Variants in RBFOX1 observed in about 807,000 individuals in gnomAD.
RBFOX1 encodes the protein RNA binding fox-1 homolog 1, also known as RNA binding protein fox-1 homolog 1.
In RBFOX1, 8 loss-of-function variants were observed where a neutral mutation model predicts 57.7. The observed-to-expected ratio is 0.14, with a 90% CI of 0.08 to 0.25. The LOEUF (loss-of-function observed/expected upper bound fraction) is 0.25. RBFOX1 is among the 10% of genes least tolerant of loss of function. The pLI is 1.00. For synonymous variants in RBFOX1, 326 were observed against 222.4 expected, an observed-to-expected ratio of 1.47 and a Z score of -4.15; for missense variants, 611 against 548.5, an observed-to-expected ratio of 1.11 and a Z score of -1.14.
chr16:6,764,299 G>C (rs751943229), intron 3 of RBFOX1, among the ~76,000 whole-genome samples: 9 of 152,280 alleles, frequency 5.9e-5, no homozygotes, highest in African/African-American at 1.7e-4. Context: ...GTGCACAAAT[G>C]ATCAAGCTCA....
chr16:5,525,853 A>G (rs2087067), intron 2 of RBFOX1, among the ~76,000 whole-genome samples: 39,859 of 151,996 alleles, frequency 0.26, 6,763 homozygotes, highest in East Asian at 0.85. Context: ...CTGTTGCTGC[A>G]TGCACCAAGT....
intron 2 of RBFOX1, among the ~76,000 whole-genome samples, chr16:6,502,494 C>G (rs145274963): frequency 2.5e-4 from 38 of 152,252 alleles, no homozygotes; most frequent in Non-Finnish European, 4.9e-4. Flanking sequence ...TATAACCCAT[C>G]TACTATTTTA....
intron 1 of RBFOX1, among the ~76,000 whole-genome samples, chr16:5,245,804 T>G (rs1354529053): frequency 6.6e-6 from 1 of 152,262 alleles, no homozygotes; most frequent in African/African-American, 2.4e-5. Context: ...CAATCATGAT[T>G]TGAAAACTTC....
At chr16:6,451,548 T>C (rs1407326704) in intron 2 of RBFOX1, among the ~76,000 whole-genome samples, 1 of 152,122 alleles carries the variant, frequency 6.6e-6, no homozygotes, top group Non-Finnish European at 1.5e-5. Flanking sequence ...GTGGGGAAGA[T>C]CTGATGTGTG....
At chr16:5,558,932 A>G (rs920705075) in intron 2 of RBFOX1, among the ~76,000 whole-genome samples, 8 of 152,174 alleles carry the variant, frequency 5.3e-5, no homozygotes, top group Admixed American at 1.3e-4. Context: ...TATGGAATCC[A>G]CAAGCCTTGA....
rs1491165202 is a variant in RBFOX1, at chr16:7,682,996, A to ATG, written c.995+6172_995+6173dup. On this transcript the variant is annotated intron_variant, in intron 14 of 15. Transcript: ENST00000550418. Reference sequence around the variant, plus strand: ...GCCAGATAAATTTCTTAATACTTCTATGTGTGTGTGTGTGTATATATATAT... The same window carrying ATG: ...GCCAGATAAATTTCTTAATACTTCTATGTGTGTGTGTGTGTGTATATATATAT... 7.7e-3 allele frequency among the ~76,000 whole-genome samples: 212 copies of ATG among 27,654 alleles called. 31 individuals carry two copies. Among genetic ancestry groups the ATG allele is most frequent in the African/African-American group, 0.017 (136 of 8,086 alleles). The allele number at this position is 27,654 out of a possible 152,430, so 18.1% of individuals were successfully genotyped here.
intron 2 of RBFOX1, among the ~76,000 whole-genome samples, chr16:6,333,925 A>G (rs2083331456): frequency 6.6e-6 from 1 of 152,224 alleles, no homozygotes; most frequent in African/African-American, 2.4e-5. Flanking sequence ...ATAGAAGGGC[A>G]TAACTATTTA....
intron 1 of RBFOX1, among the ~76,000 whole-genome samples, chr16:6,101,317 G>A (rs1049310351): frequency 6.6e-6 from 1 of 152,126 alleles, no homozygotes; most frequent in Non-Finnish European, 1.5e-5. Flanking sequence ...CATGCAGACA[G>A]TTGTAAAAAC....
intron 4 of RBFOX1, among the ~76,000 whole-genome samples, chr16:5,882,032 C>G (rs1344748944): frequency 6.6e-6 from 1 of 152,182 alleles, no homozygotes; most frequent in Non-Finnish European, 1.5e-5. Context: ...TATTCCCCAC[C>G]ACATTCCTAT....
At chr16:7,561,661 G>A (rs1409572069) in intron 5 of RBFOX1, among the ~76,000 whole-genome samples, 1 of 152,134 alleles carries the variant, frequency 6.6e-6, no homozygotes, top group Non-Finnish European at 1.5e-5. Flanking sequence ...AAAACTCTTG[G>A]AGTGCTTGTC....
At chr16:6,492,979 C>T (rs2095668108) in intron 2 of RBFOX1, among the ~76,000 whole-genome samples, 1 of 152,150 alleles carries the variant, frequency 6.6e-6, no homozygotes, top group Non-Finnish European at 1.5e-5. Context: ...AAGAGAGGGG[C>T]AGGGAAGAGA....
intron 3 of RBFOX1, among the ~76,000 whole-genome samples, chr16:6,864,930 C>A (rs2059637748): frequency 7.1e-6 from 1 of 141,748 alleles, no homozygotes; most frequent in Non-Finnish European, 1.5e-5. Context: ...ATCGAAAACA[C>A]AAAGGTCAAA....
Position 6,977,937 on chromosome 16 carries a change from GA to G in RBFOX1, c.-15-74106del, listed in dbSNP as rs1555705863. Among the ~76,000 whole-genome samples, 39 of 79,434 alleles carry G rather than the reference GA, an allele frequency of 4.9e-4. 1 individual carries two copies. The highest frequency in any genetic ancestry group is 1.1e-3 in the Admixed American group (9 of 8,348). The allele number at this position is 79,434 out of a possible 152,430, so 52.1% of individuals were successfully genotyped here. A position where few individuals can be genotyped will look rare whatever the true frequency, so the allele number is the denominator to read the frequency against. ...AACTGCCTCTTCCAGCCTCCCCAGG[GA>G]AAAAAAAAAAAAAGGCAAACCTCCT... On this transcript the variant is annotated intron_variant, in intron 3 of 15. Transcript: ENST00000550418.
intron 3 of RBFOX1, among the ~76,000 whole-genome samples, chr16:6,830,818 C>T (rs376646254): frequency 2.6e-5 from 4 of 152,108 alleles, no homozygotes; most frequent in Non-Finnish European, 2.9e-5. Context: ...CAGATAAAAT[C>T]GGTGTTGACT....
chr16:6,445,090 GC>G (rs538288523), intron 2 of RBFOX1, among the ~76,000 whole-genome samples: 14 of 152,042 alleles, frequency 9.2e-5, no homozygotes, highest in Admixed American at 2.0e-4. Flanking sequence ...CATGGCCCAG[GC>G]AGAAGGAGAG....
chr16:7,407,033 G>C (rs1456266599), intron 4 of RBFOX1, among the ~76,000 whole-genome samples: 3 of 152,100 alleles, frequency 2.0e-5, no homozygotes, highest in Non-Finnish European at 4.4e-5. Context: ...GATAATCAAA[G>C]ATAATCTCCC....
chr16:6,545,368 G>A (rs1238007523), intron 2 of RBFOX1, among the ~76,000 whole-genome samples: 1 of 152,078 alleles, frequency 6.6e-6, no homozygotes, highest in Non-Finnish European at 1.5e-5. Context: ...AGTTTCATCT[G>A]GCCTCTTGCC....
intron 2 of RBFOX1, among the ~76,000 whole-genome samples, chr16:6,365,767 G>A (rs1450214717): frequency 6.6e-6 from 1 of 152,048 alleles, no homozygotes; most frequent in African/African-American, 2.4e-5. Context: ...TGCTCAAGAT[G>A]GTTAACCTCA....
rs901414895 is a variant in RBFOX1, at chr16:6,923,233, C to T, written c.-15-128824C>T. On this transcript the variant is annotated intron_variant, in intron 3 of 15. Coordinates refer to ENST00000550418, the MANE Select transcript of RBFOX1 (RefSeq NM_018723.4). ...CTCTCCATCAGCCCAGCCCCACAGGCTGCTAGATGTGGTATCCTGGCCAGG... is the reference window on the plus strand; with the variant it reads ...CTCTCCATCAGCCCAGCCCCACAGGTTGCTAGATGTGGTATCCTGGCCAGG... Among the ~76,000 whole-genome samples, 3 of 152,182 alleles carry T rather than the reference C, an allele frequency of 2.0e-5. No individual in the cohort carries two copies. In the East Asian group the frequency reaches 5.8e-4, roughly 29 times the overall value.
Sources: gnomAD v4.1 joint callset for allele counts (sites outside exome capture counted in the v4.1 genomes callset) on GRCh38, gnomAD v4.1.1 for gene constraint, MANE v1.5 for transcripts, NCBI Gene and HGNC (gene_info 2026-07-23, HGNC 2026-07-21) for gene names.